BTBD9: variants seen among roughly 807,000 people sequenced by gnomAD.
The protein encoded by BTBD9 is BTB/POZ domain-containing protein 9.
In BTBD9, 49 loss-of-function variants were observed where a neutral mutation model predicts 64.3. The observed-to-expected ratio is 0.76, with a 90% CI of 0.61 to 0.97. The LOEUF (loss-of-function observed/expected upper bound fraction) is 0.97. Ranked by LOEUF, BTBD9 falls within the 50% of genes least tolerant of loss-of-function variation. The pLI is 0.00. For synonymous variants in BTBD9, 260 were observed against 274.7 expected (o/e 0.95, Z 0.53); for missense variants, 598 against 762.1 (o/e 0.78, Z 2.53).
At chr6:38,198,735 G>A (rs10456462) in intron 9 of BTBD9, among the ~76,000 whole-genome samples, 31,495 of 152,146 alleles carry the variant, frequency 0.21, 3,440 homozygotes, top group Non-Finnish European at 0.24. Flanking sequence ...CTCAACACAT[G>A]GCACAGAATG....
In BTBD9 at chr6:38,308,073, A is replaced by C. The variant is rs538611823; in HGVS notation, c.1265-19612T>G. On this transcript the variant is annotated intron_variant, in intron 7 of 10. Coordinates refer to ENST00000481247, the MANE Select transcript of BTBD9 (RefSeq NM_001099272.2). ...AAATAACTGTATGGTTTACTCTCTT[A>C]TGTGCAGTTTGACAATCCTGTAGTT... is the stretch of plus-strand genomic sequence containing the variant. Among the ~76,000 whole-genome samples the C allele has an allele frequency of 5.3e-5, 8 of 152,336 alleles. No homozygotes were observed. The South Asian group carries it at 1.7e-3, about 32-fold the overall frequency.
intron 6 of BTBD9, among the ~76,000 whole-genome samples, chr6:38,546,147 T>C (rs1446463739): frequency 6.6e-6 from 1 of 152,232 alleles, no homozygotes; most frequent in East Asian, 1.9e-4. Context: ...TTCTATCCGA[T>C]GAGTTTTCTC....
intron 2 of BTBD9, chr6:38,595,880 G>C: frequency 1.0e-6 from 1 of 985,196 alleles, no homozygotes; most frequent in Non-Finnish European, 1.2e-6. Flanking sequence ...TCTCCTTCTC[G>C]GGGAGACCTC....
chr6:38,290,643 C>T (rs1227877787), intron 7 of BTBD9, among the ~76,000 whole-genome samples: 4 of 152,140 alleles, frequency 2.6e-5, no homozygotes, highest in Non-Finnish European at 5.9e-5. Flanking sequence ...ATGTGCTTCC[C>T]CAATCACAGC....
intron 6 of BTBD9, among the ~76,000 whole-genome samples, chr6:38,388,494 AG>A (rs1384882012): frequency 6.6e-6 from 1 of 152,250 alleles, no homozygotes; most frequent in Non-Finnish European, 1.5e-5. Flanking sequence ...ACTGAAGAGA[AG>A]GGAACTAAAA....
At chr6:38,607,701 G>A (rs969418899) in intron 1 of BTBD9, among the ~76,000 whole-genome samples, 3 of 151,522 alleles carry the variant, frequency 2.0e-5, no homozygotes, top group African/African-American at 4.9e-5. Flanking sequence ...AACTAACTCT[G>A]TGGTGGCTGG....
chr6:38,518,141 T>G (rs1439103274), intron 6 of BTBD9, among the ~76,000 whole-genome samples: 1 of 152,076 alleles, frequency 6.6e-6, no homozygotes, highest in African/African-American at 2.4e-5. Context: ...GCAACAATAA[T>G]TACATATAGA....
At chr6:38,258,230 C>T (rs989580035) in intron 8 of BTBD9, among the ~76,000 whole-genome samples, 2 of 152,050 alleles carry the variant, frequency 1.3e-5, no homozygotes, top group Non-Finnish European at 2.9e-5. Flanking sequence ...AGGTGATCCA[C>T]CTGCCTCAGC....
intron 7 of BTBD9, among the ~76,000 whole-genome samples, chr6:38,310,412 T>C (rs1398129230): frequency 6.7e-6 from 1 of 149,552 alleles, no homozygotes; most frequent in Non-Finnish European, 1.5e-5. Context: ...ACTTCTGAAG[T>C]AGTTATCAGA....
chr6:38,527,290 AAAAAAAG>A (rs1255997749), intron 6 of BTBD9, among the ~76,000 whole-genome samples: 5 of 148,162 alleles, frequency 3.4e-5, no homozygotes, highest in South Asian at 2.1e-4. Context: ...AAAAAAAAAA[AAAAAAAG>A]ATGTGATTTG....
Position 38,234,155 on chromosome 6 carries a change from T to C in BTBD9, c.1562+22254A>G, listed in dbSNP as rs151246184. 5.2e-4 allele frequency among the ~76,000 whole-genome samples: 79 copies of C among 152,384 alleles called. 1 individual carries two copies. The East Asian group carries it at 0.012, about 22-fold the overall frequency. Reference sequence around the variant, plus strand: ...TCTTTAAATATAAACTCATCTGACCTTGTGCTTCAGCACCTCTATTTGTTG... The same window carrying C: ...TCTTTAAATATAAACTCATCTGACCCTGTGCTTCAGCACCTCTATTTGTTG... On this transcript the variant is annotated intron_variant, in intron 9 of 10. Transcript: ENST00000481247.
intron 6 of BTBD9, among the ~76,000 whole-genome samples, chr6:38,462,426 C>T (rs952717058): frequency 3.5e-4 from 53 of 152,274 alleles, no homozygotes; most frequent in African/African-American, 1.2e-3. Flanking sequence ...ACTGAATTGC[C>T]TTTGCACCTT....
At chr6:38,250,060 T>C (rs1010074812) in intron 9 of BTBD9, among the ~76,000 whole-genome samples, 14 of 152,174 alleles carry the variant, frequency 9.2e-5, no homozygotes, top group African/African-American at 3.4e-4. Context: ...GCAATGTTGC[T>C]TATAACGCAG....
At chr6:38,321,575 T>TGTTG (rs1394451181) in intron 7 of BTBD9, among the ~76,000 whole-genome samples, 2 of 152,234 alleles carry the variant, frequency 1.3e-5, no homozygotes, top group African/African-American at 4.8e-5. Context: ...GTGATAACAC[T>TGTTG]GCCAAAGAAA....
chr6:38,239,182 C>G (rs1474402272), intron 9 of BTBD9, among the ~76,000 whole-genome samples: 1 of 152,056 alleles, frequency 6.6e-6, no homozygotes, highest in Non-Finnish European at 1.5e-5. Context: ...CCCATAATCC[C>G]TGTAATCCCA....
chr6:38,266,620 AAGAAAGAAAG>A (rs1764995967), intron 8 of BTBD9, among the ~76,000 whole-genome samples: 1 of 40,196 alleles, frequency 2.5e-5, no homozygotes, highest in Non-Finnish European at 5.4e-5. Flanking sequence ...GAAAGAAAGA[AAGAAAGAAAG>A]AAAGAAAGAA....
rs140926697 is a variant in BTBD9, at chr6:38,584,599, G to T, written c.815-4162C>A. Among the ~76,000 whole-genome samples the T allele has an allele frequency of 3.9e-5, 6 of 152,172 alleles. No individual in the cohort carries two copies. The East Asian group carries it at 1.2e-3, about 29-fold the overall frequency. The stretch of plus-strand genomic sequence containing the variant: ...TTTATCGAACTCTCTATTACATGTA[G>T]GTTGACATGGTCATTCGCCCCAGTG... On this transcript the variant is annotated intron_variant, in intron 4 of 10. Transcript: ENST00000481247.
At chr6:38,314,030 T>C (rs889928309) in intron 7 of BTBD9, among the ~76,000 whole-genome samples, 1 of 151,946 alleles carries the variant, frequency 6.6e-6, no homozygotes. Context: ...TGTGAGCCAC[T>C]GTGCCTGGTG....
intron 1 of BTBD9, among the ~76,000 whole-genome samples, chr6:38,625,277 C>T (rs777721949): frequency 6.6e-5 from 10 of 152,188 alleles, no homozygotes; most frequent in Middle Eastern, 3.4e-3. Context: ...TCAAGATTTA[C>T]GATAATATAA....
Sources: gnomAD v4.1 joint callset for allele counts (sites outside exome capture counted in the v4.1 genomes callset) on GRCh38, gnomAD v4.1.1 for gene constraint, MANE v1.5 for transcripts, NCBI Gene and HGNC (gene_info 2026-07-23, HGNC 2026-07-21) for gene names.